The following FUT8 variants were observed in gnomAD, a reference collection of about 807,000 sequenced individuals.
FUT8 encodes fucosyltransferase 8, also known as alpha-(1,6)-fucosyltransferase.
A neutral mutation model predicts 71.3 loss-of-function variants in FUT8; 29 were observed. The observed-to-expected ratio is 0.41, with a 90% CI of 0.30 to 0.55. The LOEUF is 0.55. Among genes scored for constraint, FUT8 ranks in the 20% least tolerant of loss-of-function variants. The pLI is 0.34. For missense variants in FUT8, 544 were observed against 702.1 expected (o/e 0.77, Z 2.55); for synonymous variants, 254 against 239.3 (o/e 1.06, Z -0.57).
intron 1 of FUT8, among the ~76,000 whole-genome samples, chr14:65,416,412 T>C (rs2065220113): frequency 6.6e-6 from 1 of 151,978 alleles, no homozygotes; most frequent in South Asian, 2.1e-4. Context: ...CTCAGTCTCT[T>C]GAGTAGCTGG....
At chr14:65,415,708 A>G (rs2065210238) in intron 1 of FUT8, among the ~76,000 whole-genome samples, 1 of 149,344 alleles carries the variant, frequency 6.7e-6, no homozygotes, top group Admixed American at 6.7e-5. Context: ...TAAAGTAGAG[A>G]TAATTCCAAT....
rs144980066 is a variant in FUT8, at chr14:65,581,074, G to A, written c.203+19308G>A. ...CTTGCTGGTTTTTATAGGAAATAAA[G>A]CTTACTGAACAGCTTGATATTGCTG... On this transcript the variant is annotated intron_variant, in intron 3 of 10. Coordinates refer to ENST00000673929, the MANE Select transcript of FUT8 (RefSeq NM_001371533.1). Among the ~76,000 whole-genome samples, 344 of 152,166 alleles carry A rather than the reference G, an allele frequency of 2.3e-3. 4 individuals carry two copies. The highest frequency in any genetic ancestry group is 8.0e-3 in the African/African-American group (331 of 41,550).
At chr14:65,576,696 C>CTTTTTTTTTTTTTTTTTTTTTTT (rs376473739) in intron 3 of FUT8, among the ~76,000 whole-genome samples, 12 of 96,212 alleles carry the variant, frequency 1.2e-4, no homozygotes, top group African/African-American at 1.9e-4. Context: ...GCCCAGCTTG[C>CTTTTTTTTTTTTTTTTTTTTTTT]TTTTTTTTTT....
chr14:65,459,083 C>T (rs1448709023), intron 2 of FUT8, among the ~76,000 whole-genome samples: 1 of 152,118 alleles, frequency 6.6e-6, no homozygotes, highest in African/African-American at 2.4e-5. Flanking sequence ...GGCACTGTGC[C>T]CGGTCAGAGA....
chr14:65,652,862 G>A lies in FUT8; in HGVS notation c.598-16381G>A, dbSNP rs1015623274. ...GAATCATCTGAGAGCACATTCTCTT[G>A]GCTGATGCTGGAAAGAGCCAAACAT... On this transcript the variant is annotated intron_variant, in intron 6 of 10. Coordinates refer to ENST00000673929, the MANE Select transcript of FUT8 (RefSeq NM_001371533.1). The surrounding 1 kb of genome is among the most constrained non-coding windows in gnomAD (Gnocchi z 4.0). Among the ~76,000 whole-genome samples, 11 of 152,218 alleles carry A rather than the reference G, an allele frequency of 7.2e-5. No homozygotes were observed. The highest frequency in any genetic ancestry group is 2.7e-4 in the African/African-American group (11 of 41,462).
intron 2 of FUT8, among the ~76,000 whole-genome samples, chr14:65,517,844 A>G (rs1006000625): frequency 6.6e-6 from 1 of 152,152 alleles, no homozygotes; most frequent in Non-Finnish European, 1.5e-5. Flanking sequence ...AACTACATAT[A>G]TGTTTCAAGG....
intron 7 of FUT8, among the ~76,000 whole-genome samples, chr14:65,714,419 T>TTTTA (rs55846929): frequency 0.087 from 12,666 of 145,374 alleles, 731 homozygotes; most frequent in South Asian, 0.16. Flanking sequence ...TCCATATAAA[T>TTTTA]TTTATTTATT....
At chr14:65,495,584 C>A (rs1247012630) in intron 2 of FUT8, among the ~76,000 whole-genome samples, 1 of 152,088 alleles carries the variant, frequency 6.6e-6, no homozygotes, top group East Asian at 1.9e-4. Flanking sequence ...TTTTAAAAAT[C>A]TTAGCTATTT....
the FUT8 span, among the ~76,000 whole-genome samples, chr14:65,368,426 C>T: frequency 2.5e-4 from 33 of 132,142 alleles, 4 homozygotes; most frequent in African/African-American, 4.8e-4. Context: ...CTGCAACCTC[C>T]GCCTCCTGGG....
At chr14:65,474,440 T>TAAAAAA (rs1236807241) in intron 2 of FUT8, among the ~76,000 whole-genome samples, 5 of 18,722 alleles carry the variant, frequency 2.7e-4, no homozygotes, top group South Asian at 3.0e-3. Context: ...CTGTCTCTAC[T>TAAAAAA]GAAAAAAAAA....
chr14:65,650,523 G>C (rs1332850322), intron 6 of FUT8, among the ~76,000 whole-genome samples: 1 of 151,514 alleles, frequency 6.6e-6, no homozygotes, highest in African/African-American at 2.4e-5. Context: ...TAAACAGTCA[G>C]ATCTCCTGAG....
chr14:65,479,548 C>T (rs1260884856), intron 2 of FUT8, among the ~76,000 whole-genome samples: 1 of 152,036 alleles, frequency 6.6e-6, no homozygotes, highest in African/African-American at 2.4e-5. Flanking sequence ...CTTCCTCCCT[C>T]CTTCCCTTTC....
At chr14:65,611,287 ACACACACACACACACCC>A (rs1888972697) in intron 3 of FUT8, among the ~76,000 whole-genome samples, 3 of 42,288 alleles carry the variant, frequency 7.1e-5, no homozygotes, top group Non-Finnish European at 1.3e-4. Flanking sequence ...ACACACACAC[ACACACACACACACACCC>A]CCCAAGTAAT....
the FUT8 span, among the ~76,000 whole-genome samples, chr14:65,378,214 C>T: frequency 5.2e-4 from 79 of 152,274 alleles, no homozygotes; most frequent in East Asian, 9.4e-3. Flanking sequence ...GTTTAGGAGT[C>T]ACCCTACCAA....
chr14:65,389,887 A>G, the FUT8 span, among the ~76,000 whole-genome samples: 1 of 151,492 alleles, frequency 6.6e-6, no homozygotes, highest in African/African-American at 2.4e-5. Context: ...TAAAGGCAAT[A>G]TATAAGTACA....
At chr14:65,732,429 A>G (rs1377528584) in intron 9 of FUT8, among the ~76,000 whole-genome samples, 1 of 152,246 alleles carries the variant, frequency 6.6e-6, no homozygotes, top group Non-Finnish European at 1.5e-5. Context: ...TACTGTTTGG[A>G]AGACAAACAT....
chr14:65,742,647 T>C lies in FUT8; in HGVS notation c.*237T>C, dbSNP rs1345423999. 2 of 444,802 alleles carry C rather than the reference T, an allele frequency of 4.5e-6. No homozygotes were observed. Among genetic ancestry groups the C allele is most frequent in the Non-Finnish European group, 8.1e-6 (2 of 248,356 alleles). 27.6% of individuals were successfully genotyped at this position (444,802 alleles called of 1,614,324 possible). The stretch of plus-strand genomic sequence containing the variant: ...CACAGTACAATAATGTACTCACATA[T>C]AACATGCAAACAGGTTGTTTTCTAC... On this transcript the variant is annotated 3_prime_UTR_variant, in exon 11 of 11. Transcript: ENST00000673929.
rs76744711 is a variant in FUT8, at chr14:65,481,005, C to A, written c.-228+25287C>A. 7.9e-3 allele frequency among the ~76,000 whole-genome samples: 1,196 copies of A among 152,078 alleles called. 9 individuals carry two copies. The highest frequency in any genetic ancestry group is 0.024 in the African/African-American group (992 of 41,500). Reference sequence around the variant, plus strand: ...TTTTCAGCCTCTTTAATTCTTTTTTCAATTTTTTGAGGAGACATCATACTG... The same window carrying A: ...TTTTCAGCCTCTTTAATTCTTTTTTAAATTTTTTGAGGAGACATCATACTG... On this transcript the variant is annotated intron_variant, in intron 2 of 10. Coordinates refer to ENST00000673929, the MANE Select transcript of FUT8 (RefSeq NM_001371533.1).
chr14:65,532,692 T>C (rs1363957548), intron 2 of FUT8, among the ~76,000 whole-genome samples: 1 of 152,232 alleles, frequency 6.6e-6, no homozygotes, highest in Non-Finnish European at 1.5e-5. Flanking sequence ...GCTTTTTGTG[T>C]CTTTGTCATG....
Sources: allele counts gnomAD v4.1 joint callset (sites outside exome capture counted in the v4.1 genomes callset), GRCh38; gene constraint gnomAD v4.1.1; non-coding constraint Gnocchi (gnomAD v3.1); transcripts MANE v1.5; gene names NCBI Gene and HGNC (gene_info 2026-07-23, HGNC 2026-07-21).